Variants in TIMM21 observed in about 807,000 individuals in gnomAD.
TIMM21 encodes the protein mitochondrial import inner membrane translocase subunit Tim21.
TIMM21 carries 30 observed loss-of-function variants against 27.7 expected under a neutral mutation model. That is an observed-to-expected ratio of 1.08 (90% CI 0.81 to 1.47). The LOEUF (loss-of-function observed/expected upper bound fraction) is 1.47, where lower values mean the gene tolerates loss of function less well. Among genes scored for constraint, TIMM21 ranks in the 40% most tolerant of loss-of-function variants. The pLI is 0.00. For synonymous variants in TIMM21, 121 were observed against 114.4 expected, an observed-to-expected ratio of 1.06 and a Z score of -0.37; for missense variants, 292 against 302.9, an observed-to-expected ratio of 0.96 and a Z score of 0.27.
In TIMM21 at chr18:74,159,624, A is replaced by T. The variant is rs764610454; in HGVS notation, c.*1144A>T. 6.6e-6 allele frequency: 1 copy of T among 152,180 alleles called. No homozygotes were observed. Among genetic ancestry groups the T allele is most frequent in the Non-Finnish European group, 1.5e-5 (1 of 68,028 alleles). The allele number at this position is 152,180 out of a possible 1,614,324, so 9.4% of individuals were successfully genotyped here. ...TTCTTGGTTTGACTGCTTGTTTTAG[A>T]TGTTTTTAATTATAAAAATTTCCAA... On this transcript the variant is annotated 3_prime_UTR_variant, in exon 6 of 6. Coordinates refer to ENST00000169551, the MANE Select transcript of TIMM21 (RefSeq NM_014177.3).
rs9319894 is a variant in TIMM21 at position 74,152,317 on chromosome 18, C to T, written c.302-2828C>T. ...GCCAAACTCCCTGAATCCCTTCCGC[C>T]CCAGACCTCACCCACGCATTTTCTA... On this transcript the variant is annotated intron_variant, in intron 1 of 5. Transcript: ENST00000169551. This position sits in a 1 kb window ranked among gnomAD's most constrained non-coding sequence, Gnocchi z 4.1. 0.076 allele frequency among the ~76,000 whole-genome samples: 11,636 copies of T among 152,124 alleles called. 1,487 individuals carry two copies. Among genetic ancestry groups the T allele is most frequent in the African/African-American group, 0.26 (10,844 of 41,444 alleles).
rs1979850215 is a variant in TIMM21, at chr18:74,152,903, G to A, written c.302-2242G>A. On this transcript the variant is annotated intron_variant, in intron 1 of 5. Coordinates refer to ENST00000169551, the MANE Select transcript of TIMM21 (RefSeq NM_014177.3). The surrounding 1 kb of genome is among the most constrained non-coding windows in gnomAD (Gnocchi z 4.1). ...TCTGGAGCTGAGCTGGCCAGTCACT[G>A]TCCTACCTAATATGGGGGCTGAGTC... Among the ~76,000 whole-genome samples the A allele has an allele frequency of 6.6e-6, 1 of 152,218 alleles. No homozygotes were observed. Among genetic ancestry groups the A allele is most frequent in the Admixed American group, 6.5e-5 (1 of 15,280 alleles).
intron 1 of TIMM21, among the ~76,000 whole-genome samples, chr18:74,153,416 G>C (rs1379783277): frequency 2.0e-5 from 3 of 152,154 alleles, no homozygotes; most frequent in Non-Finnish European, 4.4e-5. Context: ...ACCCGGTTTG[G>C]GTAACAAGGA....
At chr18:74,154,264 ACT>A in intron 1 of TIMM21, among the ~76,000 whole-genome samples, 1 of 151,748 alleles carries the variant, frequency 6.6e-6, no homozygotes, top group South Asian at 2.1e-4. Context: ...GTCCCCTGAC[ACT>A]GTCTTTTTTT....
chr18:74,154,754 T>C (rs933606524), intron 1 of TIMM21, among the ~76,000 whole-genome samples: 10 of 152,208 alleles, frequency 6.6e-5, no homozygotes, highest in Non-Finnish European at 1.3e-4. Flanking sequence ...CACCAGTCAG[T>C]GTGGGGTGGG....
rs1979839731 is a variant in TIMM21 at position 74,152,587 on chromosome 18, G to A, written c.302-2558G>A. Reference sequence around the variant, plus strand: ...GTCCCCATTGGTGAGAGCTGCATCAGCTGCACTACAGCTCTATGACAGGTG... The same window carrying A: ...GTCCCCATTGGTGAGAGCTGCATCAACTGCACTACAGCTCTATGACAGGTG... On this transcript the variant is annotated intron_variant, in intron 1 of 5. Transcript: ENST00000169551. The surrounding 1 kb of genome is among the most constrained non-coding windows in gnomAD (Gnocchi z 4.1). Among the ~76,000 whole-genome samples, 1 of 152,178 alleles carries A rather than the reference G, an allele frequency of 6.6e-6. No homozygotes were observed. Among genetic ancestry groups the A allele is most frequent in the Non-Finnish European group, 1.5e-5 (1 of 68,026 alleles).
At chr18:74,155,021 A>G in intron 1 of TIMM21, 124 bp from the exon 2 acceptor site, 2 of 853,524 alleles carry the variant, frequency 2.3e-6, no homozygotes, top group Non-Finnish European at 3.9e-6. Flanking sequence ...CTGCCCCTGA[A>G]CACACACAGA....
Position 74,158,289 on chromosome 18 carries a change from T to C in TIMM21, c.642+13T>C. The C allele has an allele frequency of 1.2e-6, 2 of 1,613,846 alleles. No individual in the cohort carries two copies. Among genetic ancestry groups the C allele is most frequent in the Non-Finnish European group, 1.7e-6 (2 of 1,179,782 alleles). On this transcript the variant is annotated intron_variant, in intron 5 of 5. Transcript: ENST00000169551. The stretch of plus-strand genomic sequence containing the variant: ...GCAAGTGAAAGAGGTGTGGGAATCA[T>C]GGGATGTGGGGTCAGAGGTTCTGAG...
At chr18:74,150,061 G>A (rs1187265399) in intron 1 of TIMM21, among the ~76,000 whole-genome samples, 1 of 152,168 alleles carries the variant, frequency 6.6e-6, no homozygotes, top group African/African-American at 2.4e-5. Context: ...TTACTTGGGA[G>A]GGCATGTCTT....
chr18:74,149,900 C>T (rs940116837), intron 1 of TIMM21, among the ~76,000 whole-genome samples: 1 of 152,236 alleles, frequency 6.6e-6, no homozygotes, highest in Non-Finnish European at 1.5e-5. Flanking sequence ...TTAGGGACCC[C>T]TTCCCTCATC....
rs890163628 is a variant in TIMM21 at position 74,158,972 on chromosome 18, T to G, written c.*492T>G. 1 of 163,898 alleles carries G rather than the reference T, an allele frequency of 6.1e-6. No individual in the cohort carries two copies. Among genetic ancestry groups the G allele is most frequent in the Non-Finnish European group, 1.3e-5 (1 of 76,476 alleles). 10.2% of individuals were successfully genotyped at this position (163,898 alleles called of 1,614,324 possible). A position where few individuals can be genotyped will look rare whatever the true frequency, so the allele number is the denominator to read the frequency against. On this transcript the variant is annotated 3_prime_UTR_variant, in exon 6 of 6. Transcript: ENST00000169551. ...ACATTCTTCAAAATTGTGTGAGTTT[T>G]AGGAATCTGTCTCATATTTCGCGCT...
intron 1 of TIMM21, 46 bp downstream of exon 1, chr18:74,149,155 A>G: frequency 3.2e-6 from 5 of 1,565,900 alleles, no homozygotes; most frequent in South Asian, 1.2e-5. Flanking sequence ...AGACATGACA[A>G]GAGCTGCCAA....
At chr18:74,149,990 G>T (rs1270107626) in intron 1 of TIMM21, among the ~76,000 whole-genome samples, 3 of 152,300 alleles carry the variant, frequency 2.0e-5, no homozygotes, top group Admixed American at 2.0e-4. Context: ...AATATGCTGC[G>T]TCCAGAATTC....
Position 74,155,165 on chromosome 18 carries a change from T to G in TIMM21, c.322T>G (p.Phe108Val). 1 of 1,614,202 alleles carries G rather than the reference T, an allele frequency of 6.2e-7. No homozygotes were observed. The highest frequency in any genetic ancestry group is 8.5e-7 in the Non-Finnish European group (1 of 1,180,036). Residue 108 changes from phenylalanine to valine, a missense_variant, in exon 2 of 6, where the codon TTT becomes GTT. Coordinates refer to ENST00000169551, the MANE Select transcript of TIMM21 (RefSeq NM_014177.3). ...SQKVKEAGRDFTYLIVVLFGI... is the reference protein window; with the variant it reads ...SQKVKEAGRDVTYLIVVLFGI... Reference sequence around the variant, plus strand: ...CACAGTGAAAGAAGCCGGAAGAGATTTTACCTATTTAATAGTGGTGCTTTT... The same window carrying G: ...CACAGTGAAAGAAGCCGGAAGAGATGTTACCTATTTAATAGTGGTGCTTTT...
intron 1 of TIMM21, among the ~76,000 whole-genome samples, chr18:74,151,954 G>A (rs968886882): frequency 7.4e-6 from 1 of 135,832 alleles, no homozygotes; most frequent in South Asian, 2.2e-4. Context: ...CCCCCCGGGG[G>A]GACCTCCAGC....
intron 1 of TIMM21, among the ~76,000 whole-genome samples, chr18:74,153,317 A>G (rs1323867778): frequency 6.6e-6 from 1 of 152,238 alleles, no homozygotes; most frequent in African/African-American, 2.4e-5. Flanking sequence ...TTTATCAAAT[A>G]AATGGAAAAG....
chr18:74,158,544 C>A lies in TIMM21; in HGVS notation c.*64C>A. ...CTACTCCGTTCTTCACAGCTGCCTT[C>A]CAGAATGTGTTCAAAAGAAAGACAA... On this transcript the variant is annotated 3_prime_UTR_variant, in exon 6 of 6. Coordinates refer to ENST00000169551, the MANE Select transcript of TIMM21 (RefSeq NM_014177.3). The A allele has an allele frequency of 1.0e-6, 1 of 984,412 alleles. No individual in the cohort carries two copies. The allele number at this position is 984,412 out of a possible 1,614,324, so 61.0% of individuals were successfully genotyped here.
chr18:74,149,542 T>C (rs1979733238), intron 1 of TIMM21, among the ~76,000 whole-genome samples: 1 of 149,234 alleles, frequency 6.7e-6, no homozygotes. Flanking sequence ...TTCACAGATA[T>C]TTTAAGATTT....
Position 74,158,470 on chromosome 18 carries a change from A to G in TIMM21, c.737A>G (p.Gln246Arg), listed in dbSNP as rs769682811. The G allele has an allele frequency of 1.5e-5, 24 of 1,584,926 alleles. No individual in the cohort carries two copies. In the East Asian group the frequency reaches 1.6e-4, roughly 10 times the overall value. Reference sequence around the variant, plus strand: ...ATTATCATTGAAGATAATCGATCCCAAGATGATTAAAATAGGGTTTCTGAT... The same window carrying G: ...ATTATCATTGAAGATAATCGATCCCGAGATGATTAAAATAGGGTTTCTGAT... Reference protein sequence around the residue: ...RTIIIEDNRSQDD With the variant: ...RTIIIEDNRSRDD The change falls in exon 6 of 6, where the codon CAA (glutamine) becomes CGA (arginine). Residue 246 changes from glutamine to arginine, a missense_variant. Physicochemically the swap from Gln to Arg is conservative, Grantham distance 43. Transcript: ENST00000169551.
Sources: gnomAD v4.1 joint callset for allele counts (sites outside exome capture counted in the v4.1 genomes callset) on GRCh38, gnomAD v4.1.1 for gene constraint, Gnocchi (gnomAD v3.1) non-coding constraint, MANE v1.5 for transcripts, NCBI Gene and HGNC (gene_info 2026-07-23, HGNC 2026-07-21) for gene names.